The following PPP2R2A variants were observed in gnomAD, a reference collection of about 807,000 sequenced individuals.
PPP2R2A encodes the protein serine/threonine-protein phosphatase 2A 55 kDa regulatory subunit B alpha isoform.
In PPP2R2A, 9 loss-of-function variants were observed where a neutral mutation model predicts 53.2. That is an observed-to-expected ratio of 0.17 (90% CI 0.10 to 0.30). PPP2R2A has a LOEUF of 0.30. Among genes scored for constraint, PPP2R2A ranks in the 10% least tolerant of loss-of-function variants. The pLI, the probability that PPP2R2A is intolerant of heterozygous loss-of-function variation, is 1.00. For missense variants in PPP2R2A, 235 were observed against 534.6 expected (o/e 0.44, Z 5.53); for synonymous variants, 169 against 174.2 (o/e 0.97, Z 0.23).
chr8:26,302,464 A>G (rs1005406536), intron 2 of PPP2R2A, among the ~76,000 whole-genome samples: 26 of 152,358 alleles, frequency 1.7e-4, no homozygotes, highest in Admixed American at 1.3e-3. Flanking sequence ...TGACCGATGC[A>G]TGTGATGTTA....
intron 2 of PPP2R2A, among the ~76,000 whole-genome samples, chr8:26,312,068 T>C (rs547457149): frequency 3.3e-5 from 5 of 152,240 alleles, no homozygotes; most frequent in Non-Finnish European, 7.3e-5. Flanking sequence ...TCTACTCACT[T>C]GTTTGTATGA....
intron 2 of PPP2R2A, among the ~76,000 whole-genome samples, chr8:26,309,767 G>A (rs912020248): frequency 6.6e-6 from 1 of 152,090 alleles, no homozygotes; most frequent in Non-Finnish European, 1.5e-5. Context: ...GAGAGAGAGG[G>A]GAACTGCCAG....
At chr8:26,297,284 A>C (rs376351574) in intron 2 of PPP2R2A, among the ~76,000 whole-genome samples, 1 of 151,896 alleles carries the variant, frequency 6.6e-6, no homozygotes, top group Non-Finnish European at 1.5e-5. Context: ...TCATTTTTGT[A>C]TTTTTATTAG....
At chr8:26,352,188 G>C (rs1027151632) in intron 3 of PPP2R2A, among the ~76,000 whole-genome samples, 11 of 152,300 alleles carry the variant, frequency 7.2e-5, no homozygotes, top group Admixed American at 5.2e-4. Flanking sequence ...TGTAGGAGAG[G>C]TTTTTAAAAC....
chr8:26,315,265 G>C (rs1203345354), intron 2 of PPP2R2A, among the ~76,000 whole-genome samples: 1 of 151,966 alleles, frequency 6.6e-6, no homozygotes, highest in Non-Finnish European at 1.5e-5. Flanking sequence ...AGAGATATTC[G>C]GCTGGTGGGC....
chr8:26,332,615 G>A (rs1803444104), intron 2 of PPP2R2A, among the ~76,000 whole-genome samples: 1 of 152,064 alleles, frequency 6.6e-6, no homozygotes, highest in Admixed American at 6.5e-5. Context: ...TTCATCTGTA[G>A]GGATTACAGT....
chr8:26,355,064 A>G (rs2164027), intron 4 of PPP2R2A, among the ~76,000 whole-genome samples: 34,892 of 152,162 alleles, frequency 0.23, 5,036 homozygotes, highest in Non-Finnish European at 0.32. Context: ...ATGTTAATTT[A>G]TTCCTCCTTT....
chr8:26,370,091 C>T lies in PPP2R2A; in HGVS notation c.1065-43C>T, dbSNP rs751891574. 2.5e-6 allele frequency: 4 copies of T among 1,569,478 alleles called. No individual in the cohort carries two copies. The highest frequency in any genetic ancestry group is 1.8e-5 in the Admixed American group (1 of 55,598). Reference sequence around the variant, plus strand: ...GAATCATTTTACTTGAAAACAATTTCTTGTTCTGCTTGTTTGACTGAGTGT... The same window carrying T: ...GAATCATTTTACTTGAAAACAATTTTTTGTTCTGCTTGTTTGACTGAGTGT... On this transcript the variant is annotated intron_variant, in intron 9 of 9. Transcript: ENST00000380737. The surrounding 1 kb of genome is among the most constrained non-coding windows in gnomAD (Gnocchi z 6.1).
At chr8:26,346,702 AGTT>A (rs1025859979) in intron 3 of PPP2R2A, among the ~76,000 whole-genome samples, 2 of 152,148 alleles carry the variant, frequency 1.3e-5, no homozygotes, top group Admixed American at 6.5e-5. Flanking sequence ...TGATCAGAAT[AGTT>A]GTTGTTGCAT....
rs186792201 is a variant in PPP2R2A, at chr8:26,371,012, G to A, written c.*599G>A. On this transcript the variant is annotated 3_prime_UTR_variant, in exon 10 of 10. Coordinates refer to ENST00000380737, the MANE Select transcript of PPP2R2A (RefSeq NM_002717.4). ...TCAGTTTGGGGTCAGTGGTATAAAG[G>A]GGGTATATGTTGCAAACAAATGTTT... The A allele has an allele frequency of 3.6e-3, 554 of 152,834 alleles. 4 individuals carry two copies. The highest frequency in any genetic ancestry group is 6.9e-3 in the Admixed American group (105 of 15,316). The allele number at this position is 152,834 out of a possible 1,614,324, so 9.5% of individuals were successfully genotyped here.
In PPP2R2A at chr8:26,339,070, G is replaced by C; in HGVS notation, c.180+83G>C. On this transcript the variant is annotated intron_variant, in intron 3 of 9. Transcript: ENST00000380737. ...GTTGCACTGGAGAATCTCATCAGAGGATGTTGGAATTTTAAAAGAAGTGTG... is the reference window on the plus strand; with the variant it reads ...GTTGCACTGGAGAATCTCATCAGAGCATGTTGGAATTTTAAAAGAAGTGTG... 20 of 1,035,112 alleles carry C rather than the reference G, an allele frequency of 1.9e-5. No homozygotes were observed. The South Asian group carries it at 2.7e-4, about 14-fold the overall frequency. 64.1% of individuals were successfully genotyped at this position (1,035,112 alleles called of 1,614,324 possible).
rs1360359260 is a variant in PPP2R2A at position 26,293,350 on chromosome 8, TA to T, written c.8-315del. ...CTTAAGAAAACTCTTTAACTCTTGG[TA>T]TTTACTTTTTTTCTGGTAGGTCTTG... is the stretch of plus-strand genomic sequence containing the variant. On this transcript the variant is annotated intron_variant, in intron 1 of 9. Coordinates refer to ENST00000380737, the MANE Select transcript of PPP2R2A (RefSeq NM_002717.4). 2.9e-6 allele frequency: 4 copies of T among 1,364,552 alleles called. No individual in the cohort carries two copies. In the Admixed American group the frequency reaches 6.2e-5, roughly 21 times the overall value. The allele number at this position is 1,364,552 out of a possible 1,614,324, so 84.5% of individuals were successfully genotyped here.
chr8:26,363,598 T>C, intron 7 of PPP2R2A, 123 bp from the exon 8 acceptor site: 1 of 838,572 alleles, frequency 1.2e-6, no homozygotes, highest in South Asian at 3.1e-5. Context: ...TTTTCAGTTC[T>C]TTATTAGCCT....
At position 26,372,322 on chromosome 8, in the gene PPP2R2A, A is replaced by G. The variant is rs1276132557; in HGVS notation, c.*1909A>G. The G allele has an allele frequency of 2.6e-5, 4 of 152,222 alleles. No homozygotes were observed. The highest frequency in any genetic ancestry group is 4.8e-5 in the African/African-American group (2 of 41,454). 9.4% of individuals were successfully genotyped at this position (152,222 alleles called of 1,614,324 possible). ...TATTCCCCTGCCACAAGTGTCAAAC[A>G]GTGATATTCTTCCTGTGTTGTGACT... is the stretch of plus-strand genomic sequence containing the variant. On this transcript the variant is annotated 3_prime_UTR_variant, in exon 10 of 10. Transcript: ENST00000380737.
At chr8:26,342,965 G>C (rs1804017556) in intron 3 of PPP2R2A, among the ~76,000 whole-genome samples, 1 of 152,130 alleles carries the variant, frequency 6.6e-6, no homozygotes, top group South Asian at 2.1e-4. Context: ...GCTGAGGCAG[G>C]TGGATCACTT....
At chr8:26,307,212 A>G (rs1021440546) in intron 2 of PPP2R2A, among the ~76,000 whole-genome samples, 2 of 152,230 alleles carry the variant, frequency 1.3e-5, no homozygotes, top group Non-Finnish European at 2.9e-5. Flanking sequence ...TAGATGTGTA[A>G]TTAGTGGACT....
intron 1 of PPP2R2A, chr8:26,292,170 C>T (rs992508912): frequency 1.1e-5 from 13 of 1,182,702 alleles, no homozygotes; most frequent in African/African-American, 3.2e-5. Flanking sequence ...CACCTCCCCA[C>T]CTTGCCCCCC....
rs1305053837 is a variant in PPP2R2A, at chr8:26,371,351, A to G, written c.*938A>G. 1 of 134,724 alleles carries G rather than the reference A, an allele frequency of 7.4e-6. No individual in the cohort carries two copies. Among genetic ancestry groups the G allele is most frequent in the Non-Finnish European group, 1.6e-5 (1 of 62,494 alleles). The allele number at this position is 134,724 out of a possible 1,614,324, so 8.3% of individuals were successfully genotyped here. A position where few individuals can be genotyped will look rare whatever the true frequency, so the allele number is the denominator to read the frequency against. Reference sequence around the variant, plus strand: ...AAGGATTTCACAATCTATAAATGCTACTAGTTTTTTTTTTTTTTTTTACCA... The same window carrying G: ...AAGGATTTCACAATCTATAAATGCTGCTAGTTTTTTTTTTTTTTTTTACCA... On this transcript the variant is annotated 3_prime_UTR_variant, in exon 10 of 10. Coordinates refer to ENST00000380737, the MANE Select transcript of PPP2R2A (RefSeq NM_002717.4).
chr8:26,343,577 G>A (rs1804060771), intron 3 of PPP2R2A, among the ~76,000 whole-genome samples: 1 of 151,952 alleles, frequency 6.6e-6, no homozygotes, highest in Non-Finnish European at 1.5e-5. Flanking sequence ...TCACCATATT[G>A]GCCAGGATGG....
Sources: gnomAD v4.1 joint callset for allele counts (sites outside exome capture counted in the v4.1 genomes callset) on GRCh38, gnomAD v4.1.1 for gene constraint, Gnocchi (gnomAD v3.1) non-coding constraint, MANE v1.5 for transcripts, NCBI Gene and HGNC (gene_info 2026-07-23, HGNC 2026-07-21) for gene names.